PSMG2: variants seen among roughly 807,000 people sequenced by gnomAD.
PSMG2 encodes the protein proteasome assembly chaperone 2, also known as CD40 ligand-activated specific transcript 3.
PSMG2 carries 21 observed loss-of-function variants against 31.5 expected under a neutral mutation model. That is an observed-to-expected ratio of 0.67 (90% CI 0.47 to 0.96). The LOEUF is 0.96. Among genes scored for constraint, PSMG2 ranks in the 40% least tolerant of loss-of-function variants. PSMG2 has a pLI of 0.00. For synonymous variants in PSMG2, 120 were observed against 110.4 expected (o/e 1.09, Z -0.54); for missense variants, 318 against 321.2 (o/e 0.99, Z 0.08).
At chr18:12,664,540 A>G (rs867585805) in intron 1 of PSMG2, among the ~76,000 whole-genome samples, 88 of 151,128 alleles carry the variant, frequency 5.8e-4, no homozygotes, top group African/African-American at 1.8e-3. Flanking sequence ...ACAGAGCGAG[A>G]CTCCGTCTCA....
upstream of PSMG2, among the ~76,000 whole-genome samples, chr18:12,698,128 T>C (rs1318551168): frequency 2.0e-5 from 3 of 151,630 alleles, no homozygotes; most frequent in Non-Finnish European, 2.9e-5. Context: ...ATGACAGTTA[T>C]ATGTTCACAT....
At chr18:12,713,618 C>T (rs566955454) in intron 3 of PSMG2, among the ~76,000 whole-genome samples, 1 of 152,288 alleles carries the variant, frequency 6.6e-6, no homozygotes, top group East Asian at 1.9e-4. Context: ...CAGCTTGCGA[C>T]ACCAGGAAGC....
chr18:12,680,614 A>C (rs1029639223), intron 1 of PSMG2: 98 of 1,408,056 alleles, frequency 7.0e-5, no homozygotes, highest in Non-Finnish European at 9.0e-5. Context: ...AAAAAAAAAA[A>C]AAACTTATAA....
upstream of PSMG2, among the ~76,000 whole-genome samples, chr18:12,702,233 C>T (rs1260429263): frequency 6.6e-6 from 1 of 152,210 alleles, no homozygotes; most frequent in African/African-American, 2.4e-5. Flanking sequence ...TTCTCACGGC[C>T]GTCCTAAAAC....
At chr18:12,682,039 G>A (rs1359355356) in intron 1 of PSMG2, among the ~76,000 whole-genome samples, 1 of 151,810 alleles carries the variant, frequency 6.6e-6, no homozygotes, top group Non-Finnish European at 1.5e-5. Flanking sequence ...CTGATACTGT[G>A]TTCTGTGAAA....
intron 3 of PSMG2, among the ~76,000 whole-genome samples, chr18:12,717,002 T>G (rs1300212595): frequency 6.9e-6 from 1 of 144,162 alleles, no homozygotes; most frequent in South Asian, 2.2e-4. Context: ...CAGGCTGGAG[T>G]GCAGTGGCAC....
rs138518322 is a variant in PSMG2, at chr18:12,724,094, T to C, written c.582-405T>C. 5.5e-3 allele frequency: 893 copies of C among 162,424 alleles called. 5 individuals are homozygous for C. The highest frequency in any genetic ancestry group is 0.02 in the African/African-American group (850 of 42,040). 10.1% of individuals were successfully genotyped at this position (162,424 alleles called of 1,614,324 possible). A position where few individuals can be genotyped will look rare whatever the true frequency, so the allele number is the denominator to read the frequency against. ...AGGAACTTTTATTTCCTTTAATGAT[T>C]CCATTCTCTTCCACAGTTTCCCTCA... On this transcript the variant is annotated intron_variant, in intron 5 of 6. Transcript: ENST00000317615.
chr18:12,673,479 GATT>G, intron 1 of PSMG2: 1 of 1,580,700 alleles, frequency 6.3e-7, no homozygotes. Flanking sequence ...CACGGCAACA[GATT>G]ATTTCTTCAC....
At chr18:12,695,945 T>C (rs571329904) in intron 1 of PSMG2, among the ~76,000 whole-genome samples, 1 of 152,026 alleles carries the variant, frequency 6.6e-6, no homozygotes, top group South Asian at 2.1e-4. Flanking sequence ...CACTCCCCAT[T>C]ATCCAATTAC....
At chr18:12,716,814 T>C (rs908681262) in intron 3 of PSMG2, among the ~76,000 whole-genome samples, 2 of 152,198 alleles carry the variant, frequency 1.3e-5, no homozygotes, top group South Asian at 2.1e-4. Flanking sequence ...CAGATACTAA[T>C]ATTATCCTTA....
intron 1 of PSMG2, among the ~76,000 whole-genome samples, chr18:12,696,461 G>A (rs2039961891): frequency 6.6e-6 from 1 of 151,920 alleles, no homozygotes; most frequent in Admixed American, 6.6e-5. Flanking sequence ...CGAGATTGCA[G>A]CACTGCACTC....
In PSMG2 at chr18:12,720,657, T is replaced by C. The variant is rs773162666; in HGVS notation, c.555T>C (p.Gly185=). 2.5e-6 allele frequency: 4 copies of C among 1,612,084 alleles called. No homozygotes were observed. In the South Asian group the frequency reaches 4.4e-5, roughly 18 times the overall value. ...TTTGTATCCGCATTCCGGGAGGAGG[T>C]ATCACAAAAACACTCTATGATGAAA... ...SEFCIRIPGG[G]ITKTLYDESC... is the part of the protein sequence containing the mutation. The change falls in exon 5 of 7, where the codon GGT becomes GGC. Residue 185 remains glycine, a synonymous_variant. Coordinates refer to ENST00000317615, the MANE Select transcript of PSMG2 (RefSeq NM_020232.5).
chr18:12,700,767 T>C (rs562549609), upstream of PSMG2, among the ~76,000 whole-genome samples: 7 of 152,256 alleles, frequency 4.6e-5, no homozygotes, highest in South Asian at 4.1e-4. Flanking sequence ...ACAAATTTCA[T>C]TGATACACAA....
chr18:12,670,928 TG>T, intron 1 of PSMG2: 1 of 152,200 alleles, frequency 6.6e-6, no homozygotes, highest in East Asian at 1.9e-4. Flanking sequence ...GAATTATAGG[TG>T]TGAACCACTA....
At chr18:12,689,421 G>A (rs1598644139) in intron 1 of PSMG2, among the ~76,000 whole-genome samples, 1 of 152,210 alleles carries the variant, frequency 6.6e-6, no homozygotes, top group South Asian at 2.1e-4. Flanking sequence ...CTGAGTTGCT[G>A]TTTGGCCTTG....
At chr18:12,696,307 A>G (rs1568030916) in intron 1 of PSMG2, among the ~76,000 whole-genome samples, 1 of 152,162 alleles carries the variant, frequency 6.6e-6, no homozygotes, top group Non-Finnish European at 1.5e-5. Flanking sequence ...GATCGAGACC[A>G]TCCCGGCCAA....
chr18:12,716,217 T>C (rs2040374823), intron 3 of PSMG2, among the ~76,000 whole-genome samples: 1 of 152,234 alleles, frequency 6.6e-6, no homozygotes, highest in Non-Finnish European at 1.5e-5. Context: ...TTAATTCTTA[T>C]ACTAGAATCA....
chr18:12,706,426 G>T, intron 1 of PSMG2, 124 bp from the exon 2 acceptor site: 1 of 943,240 alleles, frequency 1.1e-6, no homozygotes, highest in Non-Finnish European at 1.6e-6. Context: ...GGCAGAGGCT[G>T]CAGTGAGCCA....
intron 1 of PSMG2, among the ~76,000 whole-genome samples, chr18:12,695,885 C>CACACAA (rs557125479): frequency 2.7e-5 from 4 of 149,746 alleles, no homozygotes; most frequent in African/African-American, 9.9e-5. Context: ...CACACACACA[C>CACACAA]TAAAAATTAG....
Sources: gnomAD v4.1 joint callset for allele counts (sites outside exome capture counted in the v4.1 genomes callset) on GRCh38, gnomAD v4.1.1 for gene constraint, MANE v1.5 for transcripts, NCBI Gene and HGNC (gene_info 2026-07-23, HGNC 2026-07-21) for gene names.